Variants in SOCS7 observed in about 807,000 individuals in gnomAD.
SOCS7 encodes the protein suppressor of cytokine signaling 7, also known as NAP-4.
In SOCS7, 18 loss-of-function variants were observed where a neutral mutation model predicts 58.9. The ratio of observed to expected loss-of-function variants is 0.31; its 90% CI spans 0.21 to 0.45. The LOEUF (loss-of-function observed/expected upper bound fraction) is 0.45, where lower values mean the gene tolerates loss of function less well. SOCS7 is among the 20% of genes least tolerant of loss of function. The pLI is 1.00. For synonymous variants in SOCS7, 388 were observed against 364.3 expected (o/e 1.06, Z -0.74); for missense variants, 667 against 837.3 (o/e 0.80, Z 2.51).
intron 9 of SOCS7, among the ~76,000 whole-genome samples, 165 bp downstream of exon 9, chr17:38,396,163 A>G (rs200758439): frequency 6.6e-6 from 1 of 152,256 alleles, no homozygotes; most frequent in East Asian, 1.9e-4. Flanking sequence ...CAAGGGGCAC[A>G]CACCCCATTT....
chr17:38,389,863 G>GTGTGTATATATATATATA (rs1555571058), intron 7 of SOCS7, among the ~76,000 whole-genome samples: 1,878 of 22,232 alleles, frequency 0.084, 306 homozygotes, highest in East Asian at 0.27. Context: ...GTGTGTATGT[G>GTGTGTATATATATATATA]TGTACATATA....
chr17:38,366,205 A>G (rs1379953106), intron 4 of SOCS7, 82 bp from the exon 5 acceptor site: 5 of 1,554,884 alleles, frequency 3.2e-6, no homozygotes, highest in East Asian at 4.6e-5. Context: ...TTCAGTTAGC[A>G]TCCTCTGTTT....
intron 7 of SOCS7, among the ~76,000 whole-genome samples, chr17:38,387,082 TAAAAAAAAAAA>T (rs1214323571): frequency 1.2e-4 from 6 of 48,666 alleles, no homozygotes; most frequent in African/African-American, 5.6e-4. Context: ...ACTCTTATCT[TAAAAAAAAAAA>T]AAAAAAAAAA....
At chr17:38,380,004 C>T (rs2037980708) in intron 7 of SOCS7, among the ~76,000 whole-genome samples, 1 of 152,126 alleles carries the variant, frequency 6.6e-6, no homozygotes. Flanking sequence ...TGGTAACCAG[C>T]AAGAGTAGGG....
rs770296566 is a variant in SOCS7, at chr17:38,371,754, G to GTTTTT, written c.1552+3724_1552+3728dup. Among the ~76,000 whole-genome samples the GTTTTT allele has an allele frequency of 2.7e-3, 192 of 72,182 alleles. 7 individuals are homozygous for GTTTTT. Among genetic ancestry groups the GTTTTT allele is most frequent in the African/African-American group, 9.9e-3 (180 of 18,204 alleles). The allele number at this position is 72,182 out of a possible 152,430, so 47.4% of individuals were successfully genotyped here. A position where few individuals can be genotyped will look rare whatever the true frequency, so the allele number is the denominator to read the frequency against. ...GAGCCACTGTGCCTGGCCCTTTTGT[G>GTTTTT]TTTTTTTTTTTTTTTTTTTTTTTTG... is the stretch of plus-strand genomic sequence containing the variant. On this transcript the variant is annotated intron_variant, in intron 6 of 9. Transcript: ENST00000612932.
intron 7 of SOCS7, among the ~76,000 whole-genome samples, chr17:38,389,881 A>ATATATATATG (rs2038139599): frequency 9.6e-6 from 1 of 103,630 alleles, no homozygotes; most frequent in Non-Finnish European, 1.8e-5. Context: ...ATATATATAT[A>ATATATATATG]TGTACATATA....
chr17:38,378,157 G>T (rs2144360930), intron 7 of SOCS7, among the ~76,000 whole-genome samples: 1 of 152,288 alleles, frequency 6.6e-6, no homozygotes, highest in East Asian at 1.9e-4. Context: ...TATAAGTGAA[G>T]CAGAAAGATG....
rs1190332565 is a variant in SOCS7 at position 38,382,437 on chromosome 17, CAA to C, written c.1681+4618_1681+4619del. On this transcript the variant is annotated intron_variant, in intron 7 of 9. Coordinates refer to ENST00000612932, the MANE Select transcript of SOCS7 (RefSeq NM_014598.4). ...TGAGTAATAGAGCGAGACCCTATCT[CAA>C]AAAAAAAAAAAAAAAAAAAAAATCA... is the stretch of plus-strand genomic sequence containing the variant. Among the ~76,000 whole-genome samples, 166 of 68,560 alleles carry C rather than the reference CAA, an allele frequency of 2.4e-3. 2 individuals are homozygous for C. The highest frequency in any genetic ancestry group is 7.2e-3 in the Middle Eastern group (1 of 138). 45.0% of individuals were successfully genotyped at this position (68,560 alleles called of 152,430 possible).
intron 9 of SOCS7, among the ~76,000 whole-genome samples, 180 bp from the exon 10 acceptor site, chr17:38,399,333 C>A (rs1269645289): frequency 6.6e-6 from 1 of 152,192 alleles, no homozygotes; most frequent in Non-Finnish European, 1.5e-5. Context: ...CTCAGGTCCC[C>A]CTGACAAAGG....
rs1275391242 is a variant in SOCS7, at chr17:38,400,963, CTCTT to C, written c.*1485_*1488del. ...TCCTTTGCGTGTGTTCCATGGGACT[CTCTT>C]TCTGGGTTCCCCATGCTTATAGTTG... On this transcript the variant is annotated 3_prime_UTR_variant, in exon 10 of 10. Transcript: ENST00000612932. 2 of 152,370 alleles carry C rather than the reference CTCTT, an allele frequency of 1.3e-5. No homozygotes were observed. Among genetic ancestry groups the C allele is most frequent in the East Asian group, 1.9e-4 (1 of 5,188 alleles). The allele number at this position is 152,370 out of a possible 1,614,324, so 9.4% of individuals were successfully genotyped here. A position where few individuals can be genotyped will look rare whatever the true frequency, so the allele number is the denominator to read the frequency against.
chr17:38,363,006 C>G (rs756268505), intron 2 of SOCS7, among the ~76,000 whole-genome samples: 2 of 151,934 alleles, frequency 1.3e-5, no homozygotes, highest in Non-Finnish European at 2.9e-5. Flanking sequence ...TCCAGCTACT[C>G]GGGAGGCCGA....
chr17:38,360,382 G>A (rs1020913639), intron 1 of SOCS7, among the ~76,000 whole-genome samples: 1 of 151,602 alleles, frequency 6.6e-6, no homozygotes, highest in African/African-American at 2.4e-5. Flanking sequence ...TAGTAGAGAT[G>A]GAGTTTCACC....
chr17:38,388,349 TA>T lies in SOCS7; in HGVS notation c.1682-6948del, dbSNP rs896134671. ...AACATGGCATGAAACCCCATCTTGA[TA>T]AAAAAAAAAAATACAAAAATTAGCT... On this transcript the variant is annotated intron_variant, in intron 7 of 9. Transcript: ENST00000612932. Among the ~76,000 whole-genome samples, 147 of 143,754 alleles carry T rather than the reference TA, an allele frequency of 1.0e-3. 1 individual carries two copies. In the East Asian group the frequency reaches 0.014, roughly 14 times the overall value. The allele number at this position is 143,754 out of a possible 152,430, so 94.3% of individuals were successfully genotyped here.
At chr17:38,395,789 A>C in intron 8 of SOCS7, 59 bp from the exon 9 acceptor site, 1 of 1,537,224 alleles carries the variant, frequency 6.5e-7, no homozygotes, top group Admixed American at 1.8e-5. Context: ...CAAAGGAGTT[A>C]CTTCTTTTAT....
At chr17:38,389,893 A>G (rs1182735368) in intron 7 of SOCS7, among the ~76,000 whole-genome samples, 3 of 92,126 alleles carry the variant, frequency 3.3e-5, no homozygotes, top group African/African-American at 6.4e-5. Flanking sequence ...GTACATATAT[A>G]TATATACACA....
rs587597197 is a variant in SOCS7 at position 38,364,801 on chromosome 17, C to G, written c.1095C>G (p.Thr365=). 2.5e-6 allele frequency: 4 copies of G among 1,614,082 alleles called. No homozygotes were observed. In the South Asian group the frequency reaches 4.4e-5, roughly 18 times the overall value. ...VDVDISQRGL[T]SPHPPTPPPP... ...TGGACATTTCTCAGCGGGGCCTGAC[C>G]TCTCCACACCCTCCAACTCCCCCTC... The change falls in exon 3 of 10, where the codon ACC becomes ACG. Residue 365 remains threonine, a synonymous_variant. Coordinates refer to ENST00000612932, the MANE Select transcript of SOCS7 (RefSeq NM_014598.4).
chr17:38,389,490 A>T (rs957579671), intron 7 of SOCS7, among the ~76,000 whole-genome samples: 2 of 152,128 alleles, frequency 1.3e-5, no homozygotes, highest in African/African-American at 4.8e-5. Context: ...CAGGAGGTGG[A>T]GGTTGCAGTG....
chr17:38,364,013 G>GGCAGGGAACAGAACT (rs1555567924), intron 2 of SOCS7, among the ~76,000 whole-genome samples: 1 of 152,172 alleles, frequency 6.6e-6, no homozygotes, highest in Non-Finnish European at 1.5e-5. Flanking sequence ...TATTGTATAT[G>GGCAGGGAACAGAACT]GCAGGGAACA....
Position 38,365,387 on chromosome 17 carries a change from G to A in SOCS7, c.1230G>A (p.Pro410=), listed in dbSNP as rs149190855. ...CCTTGCAGTCTTTCCCCCTACCTCC[G>A]CCTCCTCCACCCCATGCCCCAGGTT... ...GSSLQSFPLP[P]PPPPHAPDAF... The change falls in exon 4 of 10, where the codon CCG becomes CCA. Residue 410 remains proline, a synonymous_variant. Coordinates refer to ENST00000612932, the MANE Select transcript of SOCS7 (RefSeq NM_014598.4). 198 of 1,610,922 alleles carry A rather than the reference G, an allele frequency of 1.2e-4. 1 individual carries two copies. The Middle Eastern group carries it at 2.1e-3, about 17-fold the overall frequency.
Sources: allele counts gnomAD v4.1 joint callset (sites outside exome capture counted in the v4.1 genomes callset), GRCh38; gene constraint gnomAD v4.1.1; transcripts MANE v1.5; gene names NCBI Gene and HGNC (gene_info 2026-07-23, HGNC 2026-07-21).